Variants in ZNF385D observed in about 807,000 individuals in gnomAD.
ZNF385D encodes the protein zinc finger protein 385D.
A neutral mutation model predicts 35.8 loss-of-function variants in ZNF385D; 15 were observed. The observed-to-expected ratio is 0.42, with a 90% CI of 0.28 to 0.64. The LOEUF (loss-of-function observed/expected upper bound fraction) is 0.64, where lower values mean the gene tolerates loss of function less well. Ranked by LOEUF, ZNF385D falls within the 30% of genes least tolerant of loss-of-function variation. The pLI is 0.23. For synonymous variants in ZNF385D, 212 were observed against 186.8 expected (o/e 1.13, Z -1.10); for missense variants, 474 against 494.6 (o/e 0.96, Z 0.39).
At chr3:22,217,762 G>C (rs147910920) in intron 2 of ZNF385D, among the ~76,000 whole-genome samples, 1 of 152,252 alleles carries the variant, frequency 6.6e-6, no homozygotes, top group African/African-American at 2.4e-5. Flanking sequence ...GCACAGCAGA[G>C]AGCTGGAGAG....
intron 3 of ZNF385D, among the ~76,000 whole-genome samples, chr3:21,548,868 C>T (rs570018073): frequency 1.3e-5 from 2 of 152,302 alleles, no homozygotes; most frequent in South Asian, 4.1e-4. Flanking sequence ...GTTTCAGTAG[C>T]CTATTGCCCT....
chr3:22,299,976 C>T (rs1304863533), intron 2 of ZNF385D, among the ~76,000 whole-genome samples: 3 of 151,850 alleles, frequency 2.0e-5, no homozygotes, highest in African/African-American at 7.2e-5. Flanking sequence ...TCATATGGAA[C>T]CACAAAAGAC....
At chr3:21,471,126 C>T (rs181035295) in intron 4 of ZNF385D, among the ~76,000 whole-genome samples, 17 of 152,296 alleles carry the variant, frequency 1.1e-4, no homozygotes, top group Admixed American at 8.5e-4. Flanking sequence ...CAAGATCAGA[C>T]ACATATGTCA....
chr3:22,129,880 A>T (rs905213449), intron 3 of ZNF385D, among the ~76,000 whole-genome samples: 1 of 152,180 alleles, frequency 6.6e-6, no homozygotes. Flanking sequence ...CTCAAACAGA[A>T]GGAGTCTCTT....
In ZNF385D at chr3:22,330,156, TCTCA is replaced by T. The variant is rs1338386847; in HGVS notation, c.106+42290_106+42293del. Among the ~76,000 whole-genome samples the T allele has an allele frequency of 6.6e-5, 10 of 152,338 alleles. No homozygotes were observed. In the East Asian group the frequency reaches 1.2e-3, roughly 18 times the overall value. On this transcript the variant is annotated intron_variant, in intron 2 of 5. Coordinates refer to the ZNF385D transcript ENST00000494108. ...GAGTACATATTTTATTCTCAAAATT[TCTCA>T]CTGATTCATTTTTACAAGAAGTATT...
chr3:21,487,165 A>G (rs1237962190), intron 4 of ZNF385D, among the ~76,000 whole-genome samples: 2 of 152,106 alleles, frequency 1.3e-5, no homozygotes, highest in Non-Finnish European at 2.9e-5. Context: ...CACACCAGAT[A>G]TTTTAGGACA....
intron 1 of ZNF385D, among the ~76,000 whole-genome samples, chr3:21,738,203 G>A (rs1401145954): frequency 6.6e-6 from 1 of 152,164 alleles, no homozygotes; most frequent in Non-Finnish European, 1.5e-5. Context: ...TGCTCTATTG[G>A]AATGGTGAGA....
At chr3:22,119,897 G>C (rs189619527) in intron 3 of ZNF385D, among the ~76,000 whole-genome samples, 1 of 152,044 alleles carries the variant, frequency 6.6e-6, no homozygotes. Flanking sequence ...ACCCAGGCTG[G>C]AGTGCAGTGG....
rs149834876 is a variant in ZNF385D at position 22,076,786 on chromosome 3, CTT to C, written c.325+92029_325+92030del. Reference sequence around the variant, plus strand: ...AATAACAAATTGAAAAATATAGTGACTTATTCTTGGACAAAATATTTGAAGTT... The same window carrying C: ...AATAACAAATTGAAAAATATAGTGACATTCTTGGACAAAATATTTGAAGTT... On this transcript the variant is annotated intron_variant, in intron 3 of 5. Transcript: ENST00000494108. 9.5e-3 allele frequency among the ~76,000 whole-genome samples: 1,442 copies of C among 152,004 alleles called. 60 individuals carry two copies. Among genetic ancestry groups the C allele is most frequent in the Admixed American group, 0.071 (1,086 of 15,216 alleles).
intron 3 of ZNF385D, among the ~76,000 whole-genome samples, chr3:21,558,720 G>C (rs1051490877): frequency 8.9e-5 from 13 of 145,998 alleles, no homozygotes; most frequent in African/African-American, 2.9e-4. Flanking sequence ...CTGTCTCATT[G>C]ATCTAATATT....
chr3:22,083,365 A>G (rs1700858875), intron 3 of ZNF385D, among the ~76,000 whole-genome samples: 1 of 152,236 alleles, frequency 6.6e-6, no homozygotes, highest in Admixed American at 6.5e-5. Flanking sequence ...TAGCTAGAAT[A>G]AACAGCATAG....
intron 3 of ZNF385D, among the ~76,000 whole-genome samples, chr3:21,873,059 T>C (rs1216481011): frequency 2.0e-5 from 3 of 152,168 alleles, no homozygotes; most frequent in Non-Finnish European, 2.9e-5. Context: ...TTTAATTCTC[T>C]CTTTTAAGGT....
intron 2 of ZNF385D, among the ~76,000 whole-genome samples, chr3:22,313,706 G>A (rs1469939454): frequency 6.6e-6 from 1 of 152,144 alleles, no homozygotes; most frequent in African/African-American, 2.4e-5. Context: ...ATAGGGCAGA[G>A]TCAGAATATC....
intron 1 of ZNF385D, among the ~76,000 whole-genome samples, chr3:21,728,104 G>C (rs1401084753): frequency 6.6e-6 from 1 of 152,062 alleles, no homozygotes; most frequent in Admixed American, 6.6e-5. Context: ...CATGGACACA[G>C]GGAGTGAACA....
At chr3:21,666,980 G>A (rs2066426977) in intron 1 of ZNF385D, among the ~76,000 whole-genome samples, 1 of 152,058 alleles carries the variant, frequency 6.6e-6, no homozygotes, top group Non-Finnish European at 1.5e-5. Flanking sequence ...GGGAGGCTGA[G>A]GCAGAAGAAT....
At chr3:22,155,187 T>C (rs944491002) in intron 3 of ZNF385D, among the ~76,000 whole-genome samples, 34 of 152,236 alleles carry the variant, frequency 2.2e-4, no homozygotes, top group African/African-American at 7.9e-4. Context: ...ATAATTATTG[T>C]GTATCAATAA....
intron 3 of ZNF385D, among the ~76,000 whole-genome samples, chr3:21,952,175 C>T (rs2125300299): frequency 6.6e-6 from 1 of 152,048 alleles, no homozygotes; most frequent in East Asian, 1.9e-4. Flanking sequence ...TTCCTCTCTC[C>T]TCTCATGGCT....
At chr3:21,852,828 G>C (rs1379868468) in intron 3 of ZNF385D, among the ~76,000 whole-genome samples, 1 of 151,810 alleles carries the variant, frequency 6.6e-6, no homozygotes, top group African/African-American at 2.4e-5. Context: ...GAAAAAGAGT[G>C]AGACTTGAAG....
chr3:22,215,551 A>G (rs536081240), intron 2 of ZNF385D, among the ~76,000 whole-genome samples: 1 of 152,144 alleles, frequency 6.6e-6, no homozygotes, highest in African/African-American at 2.4e-5. Context: ...CCCGCCTAAT[A>G]AATTTTTAGT....
Sources: gnomAD v4.1 joint callset for allele counts (sites outside exome capture counted in the v4.1 genomes callset) on GRCh38, gnomAD v4.1.1 for gene constraint, MANE v1.5 for transcripts, NCBI Gene and HGNC (gene_info 2026-07-23, HGNC 2026-07-21) for gene names.